Variants in BRCA2 observed in about 807,000 individuals in gnomAD.
The protein encoded by BRCA2 is breast cancer type 2 susceptibility protein.
BRCA2 carries 203 observed loss-of-function variants against 276.7 expected under a neutral mutation model. The ratio of observed to expected loss-of-function variants is 0.73; its 90% CI spans 0.65 to 0.82. The LOEUF (loss-of-function observed/expected upper bound fraction) is 0.82, where lower values mean the gene tolerates loss of function less well. Among genes scored for constraint, BRCA2 ranks in the 40% least tolerant of loss-of-function variants. The pLI is 0.00. For synonymous variants in BRCA2, 1,289 were observed against 1,338.4 expected, an observed-to-expected ratio of 0.96 and a Z score of 0.81; for missense variants, 3,920 against 3,915.0, an observed-to-expected ratio of 1.00 and a Z score of -0.03.
At chr13:32,345,755 TAAATG>T (rs1232312291) in intron 12 of BRCA2, among the ~76,000 whole-genome samples, 2 of 152,072 alleles carry the variant, frequency 1.3e-5, no homozygotes, top group African/African-American at 4.8e-5. Context: ...ACATATAACT[TAAATG>T]TAATTTTATA....
At chr13:32,380,333 G>A (rs181361459) in intron 24 of BRCA2, among the ~76,000 whole-genome samples, 188 bp downstream of exon 24, 1 of 151,704 alleles carries the variant, frequency 6.6e-6, no homozygotes, top group East Asian at 1.9e-4. Context: ...TTATTTCAAG[G>A]GTAACAAGTT....
Position 32,367,440 on chromosome 13 carries a change from G to GA in BRCA2, c.8332-2952dup, listed in dbSNP as rs372239729. ...TGACAGAGCGAGACTCCATCTCAAA[G>GA]AAAAAAAAAAGGATAATAACAGCAA... On this transcript the variant is annotated intron_variant, in intron 18 of 26. Transcript: ENST00000380152. 4.0e-4 allele frequency among the ~76,000 whole-genome samples: 57 copies of GA among 141,084 alleles called. No homozygotes were observed. The East Asian group carries it at 7.4e-3, about 18-fold the overall frequency. 92.6% of individuals were successfully genotyped at this position (141,084 alleles called of 152,430 possible).
chr13:32,320,092 G>C (rs576819643), intron 3 of BRCA2, among the ~76,000 whole-genome samples: 1 of 152,298 alleles, frequency 6.6e-6, no homozygotes, highest in South Asian at 2.1e-4. Flanking sequence ...AATATGTAGT[G>C]TGTTCAGGAA....
intron 3 of BRCA2, among the ~76,000 whole-genome samples, chr13:32,321,501 T>C (rs1478818050): frequency 2.0e-5 from 3 of 152,202 alleles, no homozygotes; most frequent in Non-Finnish European, 4.4e-5. Flanking sequence ...TAAGGTCAAA[T>C]GGTTAATTCT....
At chr13:32,327,057 T>C (rs1452577607) in intron 7 of BRCA2, among the ~76,000 whole-genome samples, 1 of 152,260 alleles carries the variant, frequency 6.6e-6, no homozygotes, top group Non-Finnish European at 1.5e-5. Context: ...CAAGTGTAAT[T>C]ACACAACTAT....
chr13:32,358,795 A>G (rs1392083827), intron 16 of BRCA2, among the ~76,000 whole-genome samples: 3 of 150,630 alleles, frequency 2.0e-5, no homozygotes, highest in African/African-American at 7.3e-5. Context: ...TTAGCCAGGT[A>G]TGGTGATGCA....
chr13:32,375,375 A>G (rs1394427995), intron 20 of BRCA2: 4 of 452,876 alleles, frequency 8.8e-6, no homozygotes, highest in South Asian at 6.3e-5. Context: ...GAACCCCCCA[A>G]AGTCATCCAT....
intron 7 of BRCA2, among the ~76,000 whole-genome samples, chr13:32,328,881 T>C (rs1280450132): frequency 2.0e-5 from 3 of 152,064 alleles, no homozygotes; most frequent in African/African-American, 7.2e-5. Context: ...ATAAAGTGTG[T>C]GTGTGTGTGT....
chr13:32,357,686 T>A, intron 15 of BRCA2, 56 bp from the exon 16 acceptor site: 4 of 1,547,720 alleles, frequency 2.6e-6, no homozygotes. Flanking sequence ...TTTTATTGTG[T>A]GATACATGTT....
chr13:32,361,704 G>T (rs188459290), intron 16 of BRCA2, among the ~76,000 whole-genome samples: 1 of 152,290 alleles, frequency 6.6e-6, no homozygotes, highest in East Asian at 1.9e-4. Context: ...ATGCTTGGAA[G>T]AGGGCAAAGT....
intron 2 of BRCA2, 56 bp from the exon 3 acceptor site, chr13:32,319,021 G>A (rs2138703167): frequency 6.2e-7 from 1 of 1,603,152 alleles, no homozygotes; most frequent in Non-Finnish European, 8.5e-7. Context: ...ACTGTTCTGG[G>A]TCACAAATTT....
intron 21 of BRCA2, among the ~76,000 whole-genome samples, chr13:32,378,665 T>C (rs992158352): frequency 1.3e-5 from 2 of 152,160 alleles, no homozygotes; most frequent in African/African-American, 4.8e-5. Flanking sequence ...TAAATTCCAT[T>C]TCCTATTTTA....
Position 32,333,298 on chromosome 13 carries a change from A to C in BRCA2, c.1820A>C (p.Lys607Thr), listed in dbSNP as rs55962656. 16 of 1,605,918 alleles carry C rather than the reference A, an allele frequency of 1.0e-5. No homozygotes were observed. The highest frequency in any genetic ancestry group is 3.4e-5 in the Admixed American group (2 of 57,984). The change falls in exon 10 of 27, where the codon AAA (lysine) becomes ACA (threonine). Residue 607 changes from lysine (K) to threonine (T), a missense_variant. Lys to Thr is a moderately conservative substitution (Grantham distance 78). This residue lies in a region of BRCA2 where 3,263 missense variants were observed against 3,156.9 expected (regional missense o/e 1.03). Transcript: ENST00000380152. ...ETSYKGKKIP[K>T]DQKSELINCS... Reference sequence around the variant, plus strand: ...TCTTATAAAGGAAAAAAAATACCGAAAGACCAAAAATCAGAACTAATTAAC... The same window carrying C: ...TCTTATAAAGGAAAAAAAATACCGACAGACCAAAAATCAGAACTAATTAAC...
Position 32,326,238 on chromosome 13 carries a change from C to T in BRCA2, c.476-4C>T, listed in dbSNP as rs398122785. On this transcript the variant is annotated splice_region_variant and splice_polypyrimidine_tract_variant and intron_variant, in intron 5 of 26. Transcript: ENST00000380152. ...TAACAATTTTCCCCTTTTTTTACCC[C>T]CAGTGGTATGTGGGAGTTTGTTTCA... The T allele has an allele frequency of 2.5e-6, 4 of 1,613,126 alleles. No individual in the cohort carries two copies.
At position 32,386,680 on chromosome 13, in the gene BRCA2, C is replaced by A. The variant is rs138608729; in HGVS notation, c.9256+6535C>A. Among the ~76,000 whole-genome samples, 507 of 151,776 alleles carry A rather than the reference C, an allele frequency of 3.3e-3. 4 individuals are homozygous for A. Among genetic ancestry groups the A allele is most frequent in the African/African-American group, 0.012 (489 of 41,402 alleles). On this transcript the variant is annotated intron_variant, in intron 24 of 26. Transcript: ENST00000380152. ...GTCGGTGCCATGACCCAGTGTAATT[C>A]TTGACTCTCTATTTATCCAAGATTA...
In BRCA2 at chr13:32,319,250, T is replaced by G. The variant is rs80358507; in HGVS notation, c.241T>G (p.Phe81Val). The change falls in exon 3 of 27, where the codon TTC (phenylalanine) becomes GTC (valine). Residue 81 changes from phenylalanine (F) to valine (V), a missense_variant. Physicochemically the swap from Phe to Val is conservative, Grantham distance 50. Around this residue, in one of 2 missense-constraint regions of BRCA2, gnomAD observed 3,263 missense variants for 3,156.9 expected, o/e 1.03. Coordinates refer to ENST00000380152, the MANE Select transcript of BRCA2 (RefSeq NM_000059.4). ...TCAGCTGGCTTCAACTCCAATAATATTCAAAGAGCAAGGGCTGACTCTGCC... is the reference window on the plus strand; with the variant it reads ...TCAGCTGGCTTCAACTCCAATAATAGTCAAAGAGCAAGGGCTGACTCTGCC... Reference protein sequence around the residue: ...YNQLASTPIIFKEQGLTLPLY... With the variant: ...YNQLASTPIIVKEQGLTLPLY... The G allele has an allele frequency of 3.1e-6, 5 of 1,613,700 alleles. No individual in the cohort carries two copies. Among genetic ancestry groups the G allele is most frequent in the Non-Finnish European group, 4.2e-6 (5 of 1,179,754 alleles).
rs397507838 is a variant in BRCA2 at position 32,340,636 on chromosome 13, A to G, written c.6281A>G (p.Tyr2094Cys). 4.4e-6 allele frequency: 7 copies of G among 1,606,892 alleles called. No individual in the cohort carries two copies. Among genetic ancestry groups the G allele is most frequent in the Admixed American group, 1.7e-5 (1 of 58,384 alleles). ...DLIRTEHSLH[Y>C]SPTSRQNVSK... Reference sequence around the variant, plus strand: ...ATCAGAACTGAGCATAGTCTTCACTATTCACCTACGTCTAGACAAAATGTA... The same window carrying G: ...ATCAGAACTGAGCATAGTCTTCACTGTTCACCTACGTCTAGACAAAATGTA... The change falls in exon 11 of 27, where the codon TAT becomes TGT. Residue 2094 changes from tyrosine to cysteine, a missense_variant. Tyr to Cys is a radical substitution (Grantham distance 194, BLOSUM62 -2). Coordinates refer to ENST00000380152, the MANE Select transcript of BRCA2 (RefSeq NM_000059.4).
intron 9 of BRCA2, 109 bp downstream of exon 9, chr13:32,331,139 A>G: frequency 1.3e-6 from 1 of 759,188 alleles, no homozygotes; most frequent in Non-Finnish European, 2.2e-6. Context: ...GTTTACCGCA[A>G]CCTCTGCCTC....
At chr13:32,378,667 C>A (rs572555163) in intron 21 of BRCA2, among the ~76,000 whole-genome samples, 2 of 152,162 alleles carry the variant, frequency 1.3e-5, no homozygotes, top group East Asian at 3.9e-4. Context: ...AATTCCATTT[C>A]CTATTTTATT....
Sources: allele counts gnomAD v4.1 joint callset (sites outside exome capture counted in the v4.1 genomes callset), GRCh38; gene constraint gnomAD v4.1.1; regional missense constraint gnomAD v4.1.1; transcripts MANE v1.5; gene names NCBI Gene and HGNC (gene_info 2026-07-23, HGNC 2026-07-21).